FOXP2: variants seen among roughly 807,000 people sequenced by gnomAD.
FOXP2 encodes forkhead box protein P2.
Under a neutral mutation model 115.8 loss-of-function variants are expected in FOXP2, and 12 were observed. The observed-to-expected ratio is 0.10, with a 90% CI of 0.07 to 0.17. The LOEUF is 0.17. FOXP2 is among the 10% of genes least tolerant of loss of function. FOXP2 has a pLI of 1.00. For missense variants in FOXP2, 629 were observed against 843.5 expected, an observed-to-expected ratio of 0.75 and a Z score of 3.15; for synonymous variants, 328 against 297.7, an observed-to-expected ratio of 1.10 and a Z score of -1.05.
intron 16 of FOXP2, chr7:114,666,582 G>A (rs1250125660): frequency 2.6e-5 from 4 of 152,120 alleles, no homozygotes; most frequent in Non-Finnish European, 5.9e-5. Flanking sequence ...AAACAGAAGT[G>A]AAATAATTTT....
chr7:114,147,447 C>T (rs1792404337), intron 1 of FOXP2, among the ~76,000 whole-genome samples: 1 of 152,088 alleles, frequency 6.6e-6, no homozygotes, highest in Non-Finnish European at 1.5e-5. Flanking sequence ...TATTTTAAAG[C>T]AGACATGGTG....
chr7:114,102,603 A>AG (rs1791006392), intron 1 of FOXP2, among the ~76,000 whole-genome samples: 2 of 151,592 alleles, frequency 1.3e-5, no homozygotes, highest in Non-Finnish European at 2.9e-5. Flanking sequence ...GTAAAAAAAA[A>AG]AAACCCATTC....
intron 2 of FOXP2, among the ~76,000 whole-genome samples, chr7:114,322,515 TC>T (rs1766994385): frequency 6.6e-6 from 1 of 151,998 alleles, no homozygotes; most frequent in African/African-American, 2.4e-5. Context: ...CATTTAATTT[TC>T]CCCTGCCATA....
intron 3 of FOXP2, among the ~76,000 whole-genome samples, chr7:114,619,528 CAT>C (rs1374202273): frequency 6.6e-6 from 1 of 151,924 alleles, no homozygotes; most frequent in Non-Finnish European, 1.5e-5. Flanking sequence ...TAATTTATAA[CAT>C]ATATGTTTCA....
intron 1 of FOXP2, among the ~76,000 whole-genome samples, chr7:114,176,303 TCTCTCTCTCTCTCTC>T (rs1793305125): frequency 6.9e-4 from 100 of 145,028 alleles, no homozygotes; most frequent in Middle Eastern, 3.4e-3. Context: ...TTTCTTTCTC[TCTCTCTCTCTCTCTC>T]TCTTTCTTTT....
chr7:114,121,967 G>A (rs1791579313), intron 1 of FOXP2, among the ~76,000 whole-genome samples: 1 of 152,032 alleles, frequency 6.6e-6, no homozygotes, highest in Admixed American at 6.6e-5. Context: ...CTGCCCCTCG[G>A]TAGGGGTACT....
upstream of FOXP2, chr7:114,086,450 T>G (rs1032311651): frequency 2.6e-5 from 9 of 342,088 alleles, no homozygotes; most frequent in African/African-American, 1.2e-4. Context: ...GGCGGCCGCG[T>G]CCGCTGGCTG....
At chr7:114,662,966 T>C (rs568368637) in intron 14 of FOXP2, among the ~76,000 whole-genome samples, 3 of 152,282 alleles carry the variant, frequency 2.0e-5, no homozygotes, top group African/African-American at 7.2e-5. Context: ...TATAGTCAAG[T>C]ATGTGCTAAT....
intron 1 of FOXP2, among the ~76,000 whole-genome samples, chr7:114,203,001 T>C (rs562219675): frequency 1.3e-5 from 2 of 152,310 alleles, no homozygotes; most frequent in Non-Finnish European, 1.5e-5. Context: ...CCAAATATCA[T>C]TGCTTAATTT....
intron 1 of FOXP2, among the ~76,000 whole-genome samples, chr7:114,263,239 G>T (rs1795805029): frequency 6.6e-6 from 1 of 151,658 alleles, no homozygotes; most frequent in Admixed American, 6.6e-5. Context: ...AGTTATCTTT[G>T]CTTATGCCAG....
chr7:114,539,178 C>T (rs1164759989), intron 3 of FOXP2, among the ~76,000 whole-genome samples: 1 of 151,514 alleles, frequency 6.6e-6, no homozygotes, highest in Non-Finnish European at 1.5e-5. Flanking sequence ...TGTAAAAAAT[C>T]AAGAATAAGT....
At chr7:114,335,315 A>G (rs544447392) in intron 2 of FOXP2, among the ~76,000 whole-genome samples, 2 of 151,940 alleles carry the variant, frequency 1.3e-5, no homozygotes, top group South Asian at 4.1e-4. Context: ...GGTTATTAAT[A>G]TGGGTACTAA....
intron 1 of FOXP2, among the ~76,000 whole-genome samples, chr7:114,274,622 TTTTTTTTTTTG>T (rs1796141005): frequency 7.6e-6 from 1 of 131,226 alleles, no homozygotes; most frequent in South Asian, 2.7e-4. Context: ...TTTTTTTTTT[TTTTTTTTTTTG>T]AGGCAGGATC....
At chr7:114,240,189 C>G (rs972792669) in intron 1 of FOXP2, among the ~76,000 whole-genome samples, 5 of 152,126 alleles carry the variant, frequency 3.3e-5, no homozygotes, top group African/African-American at 1.2e-4. Context: ...AACAATGGCA[C>G]TTGAAAGAAT....
At chr7:114,441,385 G>A (rs548341411) in intron 2 of FOXP2, among the ~76,000 whole-genome samples, 186 of 152,146 alleles carry the variant, frequency 1.2e-3, no homozygotes, top group African/African-American at 3.7e-3. Flanking sequence ...CACAAGAGGC[G>A]GAGGTTGCAA....
chr7:114,165,680 T>A (rs1328787271), intron 1 of FOXP2, among the ~76,000 whole-genome samples: 2 of 152,196 alleles, frequency 1.3e-5, no homozygotes, highest in Non-Finnish European at 2.9e-5. Context: ...AATATTTAGA[T>A]GTCACTTCTT....
chr7:114,338,445 A>G (rs905416660), intron 2 of FOXP2, among the ~76,000 whole-genome samples: 3 of 151,008 alleles, frequency 2.0e-5, no homozygotes, highest in African/African-American at 7.3e-5. Flanking sequence ...GCATTTTATT[A>G]CTAATAGTAA....
intron 2 of FOXP2, among the ~76,000 whole-genome samples, chr7:114,470,583 G>C (rs993417218): frequency 3.9e-5 from 6 of 152,010 alleles, no homozygotes; most frequent in Non-Finnish European, 8.8e-5. Context: ...AGTAGATGTT[G>C]GGTCTCTATA....
At position 114,629,837 on chromosome 7, in the gene FOXP2, A is replaced by T; in HGVS notation, c.429A>T (p.Gln143His). 1 of 1,611,342 alleles carries T rather than the reference A, an allele frequency of 6.2e-7. No homozygotes were observed. Among genetic ancestry groups the T allele is most frequent in the African/African-American group, 1.4e-5 (1 of 74,000 alleles). The change falls in exon 5 of 17, where the codon CAA becomes CAT. Residue 143 changes from glutamine to histidine, a missense_variant. Gln to His is a conservative substitution (Grantham distance 24, BLOSUM62 0). Coordinates refer to ENST00000350908, the MANE Select transcript of FOXP2 (RefSeq NM_014491.4). ...TACAAGAGTTTTACAAGAAACAGCA[A>T]GAGCAGTTACATCTTCAGCTTTTGC... ...QQLQEFYKKQ[Q>H]EQLHLQLLQQ... is the part of the protein sequence containing the mutation.
Sources: gnomAD v4.1 joint callset for allele counts (sites outside exome capture counted in the v4.1 genomes callset) on GRCh38, gnomAD v4.1.1 for gene constraint, MANE v1.5 for transcripts, NCBI Gene and HGNC (gene_info 2026-07-23, HGNC 2026-07-21) for gene names.